SOX5: variants seen among roughly 807,000 people sequenced by gnomAD.
SOX5 encodes the protein SRY-box transcription factor 5.
A neutral mutation model predicts 92.0 loss-of-function variants in SOX5; 9 were observed. That is an observed-to-expected ratio of 0.10 (90% CI 0.06 to 0.17). SOX5 has a LOEUF of 0.17. SOX5 is among the 10% of genes least tolerant of loss of function. The pLI is 1.00. For missense variants in SOX5, 642 were observed against 944.5 expected (o/e 0.68, Z 4.20); for synonymous variants, 344 against 336.3 (o/e 1.02, Z -0.25).
At chr12:23,864,597 G>A (rs2096791707) in intron 2 of SOX5, among the ~76,000 whole-genome samples, 1 of 152,154 alleles carries the variant, frequency 6.6e-6, no homozygotes, top group Non-Finnish European at 1.5e-5. Flanking sequence ...TTGGTCTGGA[G>A]AGAAGATCAG....
At chr12:23,813,905 A>G (rs1429423651) in intron 3 of SOX5, among the ~76,000 whole-genome samples, 1 of 152,206 alleles carries the variant, frequency 6.6e-6, no homozygotes, top group Non-Finnish European at 1.5e-5. Flanking sequence ...TTGACATTTA[A>G]TCAGCCTGTC....
At position 23,958,254 on chromosome 12, in the gene SOX5, A is replaced by T. The variant is rs926513735; in HGVS notation, c.-1-62230T>A. On this transcript the variant is annotated intron_variant, in intron 4 of 4. Transcript: ENST00000446891. ...AATCAACTTAATAAGCATTGTTCTT[A>T]TATTGAGTGTGTGCCCTGAATTTTA... Among the ~76,000 whole-genome samples the T allele has an allele frequency of 3.3e-5, 5 of 152,084 alleles. No homozygotes were observed. The East Asian group carries it at 5.8e-4, about 18-fold the overall frequency.
chr12:24,298,783 CAAAAAA>C (rs10657648), intron 2 of SOX5, among the ~76,000 whole-genome samples: 1 of 96,732 alleles, frequency 1.0e-5, no homozygotes, highest in Non-Finnish European at 2.2e-5. Flanking sequence ...CCAGAGTAGT[CAAAAAA>C]AAAAAAAAAA....
chr12:24,210,285 T>C (rs952241275), intron 4 of SOX5, among the ~76,000 whole-genome samples: 6 of 152,142 alleles, frequency 3.9e-5, no homozygotes, highest in Non-Finnish European at 8.8e-5. Context: ...ATAACAACAC[T>C]GCACTTCTCC....
chr12:23,544,346 A>T (rs1942715274), intron 12 of SOX5, among the ~76,000 whole-genome samples: 1 of 152,104 alleles, frequency 6.6e-6, no homozygotes, highest in South Asian at 2.1e-4. Context: ...AACCAGTAGA[A>T]CTCTGACAGT....
chr12:23,679,400 C>CTGCTGA (rs1555254832), intron 6 of SOX5, among the ~76,000 whole-genome samples: 1 of 152,080 alleles, frequency 6.6e-6, no homozygotes, highest in Non-Finnish European at 1.5e-5. Context: ...GCTGCTGCTG[C>CTGCTGA]TGATGATGAT....
chr12:23,941,643 A>G (rs942738770), intron 1 of SOX5, among the ~76,000 whole-genome samples: 1 of 151,540 alleles, frequency 6.6e-6, no homozygotes, highest in Non-Finnish European at 1.5e-5. Flanking sequence ...CATAAAATAT[A>G]ATAATAGATA....
intron 1 of SOX5, among the ~76,000 whole-genome samples, chr12:24,492,566 G>A (rs879822670): frequency 1.3e-5 from 2 of 152,100 alleles, no homozygotes; most frequent in Admixed American, 1.3e-4. Flanking sequence ...AAGTTGCTTT[G>A]AAAAGTCAAT....
chr12:23,954,503 A>G (rs543837583), upstream of SOX5, among the ~76,000 whole-genome samples: 88 of 152,084 alleles, frequency 5.8e-4, no homozygotes, highest in African/African-American at 2.0e-3. Context: ...ACCAATATAC[A>G]TCTGTGAGTC....
chr12:23,927,681 A>C (rs1278200889), intron 1 of SOX5, among the ~76,000 whole-genome samples: 1 of 152,010 alleles, frequency 6.6e-6, no homozygotes, highest in Non-Finnish European at 1.5e-5. Context: ...TTTTTTCTAA[A>C]AAAGAAACTA....
chr12:24,556,979 G>A (rs889796478), intron 1 of SOX5, among the ~76,000 whole-genome samples: 1 of 152,160 alleles, frequency 6.6e-6, no homozygotes, highest in Non-Finnish European at 1.5e-5. Flanking sequence ...GCTGAGTGTA[G>A]CTAACATTTA....
At chr12:23,852,574 C>A (rs917104340) in intron 2 of SOX5, among the ~76,000 whole-genome samples, 2 of 152,042 alleles carry the variant, frequency 1.3e-5, no homozygotes, top group Non-Finnish European at 2.9e-5. Flanking sequence ...GTTTGCATTT[C>A]TTTGCCAAGC....
intron 3 of SOX5, among the ~76,000 whole-genome samples, chr12:24,216,254 C>T (rs1309619137): frequency 1.3e-5 from 2 of 150,090 alleles, no homozygotes; most frequent in African/African-American, 2.5e-5. Flanking sequence ...GAGGCCGAGG[C>T]GGACGGATCA....
intron 3 of SOX5, among the ~76,000 whole-genome samples, chr12:24,256,924 G>C (rs1489299633): frequency 6.6e-6 from 1 of 152,188 alleles, no homozygotes; most frequent in East Asian, 1.9e-4. Context: ...TGAGTAATTA[G>C]ACAGAACAGC....
intron 9 of SOX5, chr12:23,584,543 A>G: frequency 1.2e-6 from 2 of 1,600,654 alleles, no homozygotes; most frequent in African/African-American, 2.7e-5. Flanking sequence ...CAGTGCTCAC[A>G]TACATGCATG....
chr12:24,140,367 T>C (rs1378599175), intron 4 of SOX5, among the ~76,000 whole-genome samples: 1 of 152,164 alleles, frequency 6.6e-6, no homozygotes, highest in Non-Finnish European at 1.5e-5. Context: ...AGTGATGTGT[T>C]CTTATAGAAA....
intron 1 of SOX5, among the ~76,000 whole-genome samples, chr12:24,497,423 A>G (rs1239994202): frequency 1.3e-5 from 2 of 152,198 alleles, no homozygotes; most frequent in Non-Finnish European, 2.9e-5. Flanking sequence ...AATTTCAACA[A>G]AAGCCTTCTG....
chr12:23,763,850 G>T (rs2094632959), intron 3 of SOX5, among the ~76,000 whole-genome samples: 1 of 152,016 alleles, frequency 6.6e-6, no homozygotes, highest in Non-Finnish European at 1.5e-5. Flanking sequence ...ACTGAGCCCT[G>T]TCCTTTATCA....
chr12:23,601,501 C>G lies in SOX5; in HGVS notation c.1164+2886G>C, dbSNP rs146975306. Among the ~76,000 whole-genome samples the G allele has an allele frequency of 9.8e-3, 1,487 of 152,064 alleles. 10 individuals carry two copies. Among genetic ancestry groups the G allele is most frequent in the Middle Eastern group, 0.038 (11 of 292 alleles). On this transcript the variant is annotated intron_variant, in intron 9 of 14. Transcript: ENST00000451604. ...GGTAGGTATGTAGACAACACAAAAC[C>G]CTTTAATAAAATAACTCTATTTTAT...
Sources: allele counts gnomAD v4.1 joint callset (sites outside exome capture counted in the v4.1 genomes callset), GRCh38; gene constraint gnomAD v4.1.1; transcripts MANE v1.5; gene names NCBI Gene and HGNC (gene_info 2026-07-23, HGNC 2026-07-21).